Variants in ZNF804B observed in about 807,000 individuals in gnomAD.
The protein encoded by ZNF804B is zinc finger 804B.
A neutral mutation model predicts 101.4 loss-of-function variants in ZNF804B; 80 were observed. The ratio of observed to expected loss-of-function variants is 0.79; its 90% confidence interval spans 0.66 to 0.95. ZNF804B has a LOEUF of 0.95. Among genes scored for constraint, ZNF804B ranks in the 40% least tolerant of loss-of-function variants. The probability of loss-of-function intolerance (pLI) is 0.00; values close to 1 mark genes in which losing one functional copy is unlikely to be tolerated. For missense variants in ZNF804B, 1,673 were observed against 1,561.9 expected, an observed-to-expected ratio of 1.07 and a Z score of -1.20; for synonymous variants, 622 against 558.8, an observed-to-expected ratio of 1.11 and a Z score of -1.59.
In ZNF804B at chr7:88,759,796, G is replaced by T. The variant is rs1177942715; in HGVS notation, c.-181G>T. 3 of 600,768 alleles carry T rather than the reference G, an allele frequency of 5.0e-6. No individual in the cohort carries two copies. The highest frequency in any genetic ancestry group is 2.9e-5 in the Admixed American group (1 of 33,954). 37.2% of individuals were successfully genotyped at this position (600,768 alleles called of 1,614,324 possible). On this transcript the variant is annotated 5_prime_UTR_variant, in exon 1 of 4. Coordinates refer to ENST00000333190, the MANE Select transcript of ZNF804B (RefSeq NM_181646.5). Reference sequence around the variant, plus strand: ...CGCCTCTGTCAGAGCAGCAGCTGTCGGCAGCAGGAGCCCCGCACGGGGCGC... The same window carrying T: ...CGCCTCTGTCAGAGCAGCAGCTGTCTGCAGCAGGAGCCCCGCACGGGGCGC...
chr7:89,050,476 A>T (rs1006927607), intron 1 of ZNF804B, among the ~76,000 whole-genome samples: 2 of 152,194 alleles, frequency 1.3e-5, no homozygotes, highest in Non-Finnish European at 2.9e-5. Flanking sequence ...TGGTTTTACA[A>T]TTAATTCCTT....
intron 1 of ZNF804B, among the ~76,000 whole-genome samples, chr7:89,100,228 A>G: frequency 6.6e-6 from 1 of 152,190 alleles, no homozygotes; most frequent in East Asian, 1.9e-4. Flanking sequence ...CAGTCTCTTC[A>G]ATAAATAGTG....
intron 2 of ZNF804B, among the ~76,000 whole-genome samples, chr7:89,285,175 T>C (rs1472239696): frequency 6.6e-6 from 1 of 151,850 alleles, no homozygotes; most frequent in Admixed American, 6.6e-5. Context: ...GCTGTGATCA[T>C]GTGACTGTAC....
chr7:88,814,485 C>A (rs963859242), intron 1 of ZNF804B, among the ~76,000 whole-genome samples: 1 of 117,234 alleles, frequency 8.5e-6, no homozygotes, highest in Non-Finnish European at 1.8e-5. Flanking sequence ...CACACACACA[C>A]ACACACAGAA....
chr7:88,848,627 T>C (rs932294953), intron 1 of ZNF804B, among the ~76,000 whole-genome samples: 9 of 151,802 alleles, frequency 5.9e-5, no homozygotes, highest in African/African-American at 2.2e-4. Context: ...TTTTCTTTTT[T>C]TTTTTTTTTT....
At chr7:89,207,360 C>T (rs1220211224) in intron 1 of ZNF804B, among the ~76,000 whole-genome samples, 2 of 152,196 alleles carry the variant, frequency 1.3e-5, no homozygotes, top group Non-Finnish European at 2.9e-5. Flanking sequence ...GGTCACATCT[C>T]ACATGCCTGC....
chr7:88,836,522 AATT>A (rs1279990818), intron 1 of ZNF804B, among the ~76,000 whole-genome samples: 2 of 151,924 alleles, frequency 1.3e-5, no homozygotes, highest in African/African-American at 4.8e-5. Context: ...AATTAAGTAA[AATT>A]ATTATCATTC....
At chr7:88,897,086 G>A (rs1027332246) in intron 1 of ZNF804B, among the ~76,000 whole-genome samples, 4 of 152,114 alleles carry the variant, frequency 2.6e-5, no homozygotes, top group Admixed American at 6.6e-5. Flanking sequence ...CATAAACTGC[G>A]ATAGACTGAC....
At chr7:89,270,267 T>C (rs969180901) in intron 2 of ZNF804B, among the ~76,000 whole-genome samples, 15 of 152,242 alleles carry the variant, frequency 9.9e-5, no homozygotes, top group Non-Finnish European at 2.2e-4. Context: ...GGGATCCACT[T>C]TCAGCTTCCT....
chr7:88,890,543 G>C (rs554008479), intron 1 of ZNF804B, among the ~76,000 whole-genome samples: 63 of 152,256 alleles, frequency 4.1e-4, no homozygotes, highest in African/African-American at 1.4e-3. Flanking sequence ...AATTGATATT[G>C]TCAGGTTGGA....
chr7:88,895,918 C>G (rs1035685956), intron 1 of ZNF804B, among the ~76,000 whole-genome samples: 4 of 152,116 alleles, frequency 2.6e-5, no homozygotes, highest in African/African-American at 9.7e-5. Flanking sequence ...TGCAGAAGAA[C>G]ACCAAATAAA....
chr7:89,053,353 G>C (rs567067866), intron 1 of ZNF804B, among the ~76,000 whole-genome samples: 41 of 152,014 alleles, frequency 2.7e-4, no homozygotes, highest in African/African-American at 9.9e-4. Flanking sequence ...CTTTACCTCA[G>C]GTGCTTTCAT....
intron 2 of ZNF804B, among the ~76,000 whole-genome samples, chr7:89,316,672 G>A (rs1481725417): frequency 3.3e-5 from 5 of 152,092 alleles, no homozygotes; most frequent in Non-Finnish European, 7.4e-5. Flanking sequence ...CCATCAGAAA[G>A]CTGAGGTTGT....
At chr7:88,809,588 CTT>C (rs1790751054) in intron 1 of ZNF804B, among the ~76,000 whole-genome samples, 1 of 152,106 alleles carries the variant, frequency 6.6e-6, no homozygotes, top group African/African-American at 2.4e-5. Context: ...ATTTTAAAAA[CTT>C]GAGGGTAAGT....
intron 1 of ZNF804B, among the ~76,000 whole-genome samples, chr7:88,789,555 T>C (rs574752684): frequency 2.6e-5 from 4 of 152,250 alleles, no homozygotes; most frequent in Admixed American, 1.3e-4. Flanking sequence ...AAGGTACTTT[T>C]TGGGTTCTCT....
At chr7:88,793,686 T>C (rs990891116) in intron 1 of ZNF804B, among the ~76,000 whole-genome samples, 2 of 152,138 alleles carry the variant, frequency 1.3e-5, no homozygotes, top group South Asian at 2.1e-4. Flanking sequence ...TATAATGATA[T>C]ATTATATTAC....
chr7:88,987,561 G>A (rs540429571), intron 1 of ZNF804B, among the ~76,000 whole-genome samples: 1 of 151,972 alleles, frequency 6.6e-6, no homozygotes, highest in Non-Finnish European at 1.5e-5. Context: ...GGCAGGGCAA[G>A]ATAAAAACAC....
chr7:89,088,689 C>T (rs1408096615), intron 1 of ZNF804B, among the ~76,000 whole-genome samples: 1 of 144,580 alleles, frequency 6.9e-6, no homozygotes, highest in Non-Finnish European at 1.5e-5. Context: ...TGGGAGCAAA[C>T]CCCCTGTCAT....
At chr7:89,119,806 G>T (rs1790371843) in intron 1 of ZNF804B, among the ~76,000 whole-genome samples, 1 of 152,078 alleles carries the variant, frequency 6.6e-6, no homozygotes, top group Non-Finnish European at 1.5e-5. Context: ...AAGTTACTAA[G>T]ACATAAAAAT....
Sources: allele counts gnomAD v4.1 joint callset (sites outside exome capture counted in the v4.1 genomes callset), GRCh38; gene constraint gnomAD v4.1.1; transcripts MANE v1.5; gene names NCBI Gene and HGNC (gene_info 2026-07-23, HGNC 2026-07-21).